ZNF562: variants seen among roughly 807,000 people sequenced by gnomAD.
ZNF562 encodes the protein zinc finger protein 562.
A neutral mutation model predicts 17.5 loss-of-function variants in ZNF562; 13 were observed. That is an observed-to-expected ratio of 0.74 (90% CI 0.48 to 1.18). ZNF562 has a LOEUF of 1.18. Among genes scored for constraint, ZNF562 ranks in the 50% most tolerant of loss-of-function variants. The pLI is 0.00. For synonymous variants in ZNF562, 163 were observed against 165.4 expected, an observed-to-expected ratio of 0.99 and a Z score of 0.11; for missense variants, 481 against 498.5, an observed-to-expected ratio of 0.96 and a Z score of 0.33.
At chr19:9,671,857 A>G (rs909797722) in intron 1 of ZNF562, among the ~76,000 whole-genome samples, 1 of 152,238 alleles carries the variant, frequency 6.6e-6, no homozygotes, top group Non-Finnish European at 1.5e-5. Context: ...CCACTAGCAC[A>G]TGACAGAGAA....
At chr19:9,670,907 G>A (rs1206992179) in intron 1 of ZNF562, among the ~76,000 whole-genome samples, 1 of 151,082 alleles carries the variant, frequency 6.6e-6, no homozygotes, top group African/African-American at 2.4e-5. Flanking sequence ...TGAGGCAGGA[G>A]AATCACTTGA....
Position 9,660,836 on chromosome 19 carries a change from G to A in ZNF562, c.-92C>T, listed in dbSNP as rs2145000563. 1 of 1,348,442 alleles carries A rather than the reference G, an allele frequency of 7.4e-7. No homozygotes were observed. Among genetic ancestry groups the A allele is most frequent in the Non-Finnish European group, 1.0e-6 (1 of 955,666 alleles). 83.5% of individuals were successfully genotyped at this position (1,348,442 alleles called of 1,614,324 possible). ...AGCTTATGAATCTAGGTGGATACAGGCAATCTCCATTCCCCTTTGTACAGG... is the reference window on the plus strand; with the variant it reads ...AGCTTATGAATCTAGGTGGATACAGACAATCTCCATTCCCCTTTGTACAGG... On this transcript the variant is annotated 5_prime_UTR_variant, in exon 2 of 6. Transcript: ENST00000453372.
intron 4 of ZNF562, 149 bp downstream of exon 4, chr19:9,657,860 T>C: frequency 8.6e-7 from 1 of 1,161,996 alleles, no homozygotes; most frequent in Non-Finnish European, 1.2e-6. Flanking sequence ...TCTTTATTCT[T>C]AGGATTTTTT....
chr19:9,656,855 T>G (rs2043505357), intron 4 of ZNF562, among the ~76,000 whole-genome samples: 1 of 144,502 alleles, frequency 6.9e-6, no homozygotes, highest in African/African-American at 2.6e-5. Flanking sequence ...AAACCCTCTC[T>G]CTAGTAAAAT....
Position 9,653,301 on chromosome 19 carries a change from T to C in ZNF562, c.929A>G (p.His310Arg), listed in dbSNP as rs780090803. 1 of 1,614,200 alleles carries C rather than the reference T, an allele frequency of 6.2e-7. No homozygotes were observed. The highest frequency in any genetic ancestry group is 1.1e-5 in the South Asian group (1 of 91,074). Residue 310 changes from histidine (H) to arginine (R), a missense_variant, in exon 6 of 6, where the codon CAC (histidine) becomes CGC (arginine). By Grantham distance (29) the His-to-Arg change is conservative. Coordinates refer to ENST00000453372, the MANE Select transcript of ZNF562 (RefSeq NM_001130031.2). ...ACATTTGTGTGGTTTTATTCCAGTGTGAATTTGAATGTGAACATTAAAGGA... is the reference window on the plus strand; with the variant it reads ...ACATTTGTGTGGTTTTATTCCAGTGCGAATTTGAATGTGAACATTAAAGGA... ...SSSFNVHIQI[H>R]TGIKPHKCTE... is the part of the protein sequence containing the mutation.
rs1305477065 is a variant in ZNF562 at position 9,659,852 on chromosome 19, G to T, written c.26-385C>A. On this transcript the variant is annotated intron_variant, in intron 2 of 5. Coordinates refer to ENST00000453372, the MANE Select transcript of ZNF562 (RefSeq NM_001130031.2). ...CATGCCTGTAATCCCAACATTTTGG[G>T]AGGCCAAGGTGGGCAAATCACTCGA... Among the ~76,000 whole-genome samples, 8 of 137,400 alleles carry T rather than the reference G, an allele frequency of 5.8e-5. No homozygotes were observed. In the East Asian group the frequency reaches 1.8e-3, roughly 32 times the overall value. The allele number at this position is 137,400 out of a possible 152,430, so 90.1% of individuals were successfully genotyped here.
intron 2 of ZNF562, among the ~76,000 whole-genome samples, chr19:9,660,085 T>A: frequency 1.2e-5 from 1 of 82,214 alleles, no homozygotes; most frequent in Non-Finnish European, 2.1e-5. Context: ...TGAGACTCCA[T>A]CTCAAAAAAA....
At position 9,652,762 on chromosome 19, in the gene ZNF562, A is replaced by C. The variant is rs1322169386; in HGVS notation, c.*187T>G. Reference sequence around the variant, plus strand: ...ATTAAAGATGGCAACCAATGGGCTAAATGGTAACAACACTCATATCCTTAC... The same window carrying C: ...ATTAAAGATGGCAACCAATGGGCTACATGGTAACAACACTCATATCCTTAC... On this transcript the variant is annotated 3_prime_UTR_variant, in exon 6 of 6. Coordinates refer to ENST00000453372, the MANE Select transcript of ZNF562 (RefSeq NM_001130031.2). The C allele has an allele frequency of 4.0e-6, 2 of 504,194 alleles. No homozygotes were observed. Among genetic ancestry groups the C allele is most frequent in the Admixed American group, 3.8e-5 (1 of 26,474 alleles). 31.2% of individuals were successfully genotyped at this position (504,194 alleles called of 1,614,324 possible).
chr19:9,668,060 A>C (rs2044018470), intron 1 of ZNF562, among the ~76,000 whole-genome samples: 1 of 152,190 alleles, frequency 6.6e-6, no homozygotes, highest in Non-Finnish European at 1.5e-5. Context: ...AAGTAATCAC[A>C]TTTACAATAG....
intron 1 of ZNF562, chr19:9,674,711 C>T (rs1040528532): frequency 3.9e-5 from 6 of 152,212 alleles, no homozygotes; most frequent in Non-Finnish European, 7.3e-5. Flanking sequence ...GGGCAGAAAT[C>T]CTTTTCCTTT....
rs536877852 is a variant in ZNF562 at position 9,647,358 on chromosome 19, G to C, written c.*5591C>G. The C allele has an allele frequency of 6.6e-6, 1 of 152,320 alleles. No individual in the cohort carries two copies. Among genetic ancestry groups the C allele is most frequent in the East Asian group, 1.9e-4 (1 of 5,168 alleles). 9.4% of individuals were successfully genotyped at this position (152,320 alleles called of 1,614,324 possible). A position where few individuals can be genotyped will look rare whatever the true frequency, so the allele number is the denominator to read the frequency against. ...GCCTCCCAAAGTGGTGGGATTACAG[G>C]CATGAGCCACCACTCCCAGCCTGAT... is the stretch of plus-strand genomic sequence containing the variant. On this transcript the variant is annotated 3_prime_UTR_variant, in exon 6 of 6. Transcript: ENST00000453372.
intron 1 of ZNF562, among the ~76,000 whole-genome samples, chr19:9,673,631 A>G (rs2044285886): frequency 6.6e-6 from 1 of 152,202 alleles, no homozygotes; most frequent in Non-Finnish European, 1.5e-5. Flanking sequence ...AGCTGGTAAC[A>G]ATTAGAAAAA....
intron 1 of ZNF562, among the ~76,000 whole-genome samples, chr19:9,665,565 G>C (rs1265003884): frequency 6.6e-6 from 1 of 152,152 alleles, no homozygotes; most frequent in Non-Finnish European, 1.5e-5. Flanking sequence ...GCAGCATACT[G>C]TAGGGGTATG....
intron 4 of ZNF562, among the ~76,000 whole-genome samples, 183 bp downstream of exon 4, chr19:9,657,826 C>T (rs542655040): frequency 3.9e-5 from 6 of 152,078 alleles, no homozygotes; most frequent in African/African-American, 9.6e-5. Context: ...GGATTACAGG[C>T]GTGAACCTCC....
chr19:9,649,622 G>T lies in ZNF562; in HGVS notation c.*3327C>A, dbSNP rs1056589983. 2 of 152,098 alleles carry T rather than the reference G, an allele frequency of 1.3e-5. No homozygotes were observed. Among genetic ancestry groups the T allele is most frequent in the Non-Finnish European group, 2.9e-5 (2 of 68,038 alleles). 9.4% of individuals were successfully genotyped at this position (152,098 alleles called of 1,614,324 possible). A position where few individuals can be genotyped will look rare whatever the true frequency, so the allele number is the denominator to read the frequency against. On this transcript the variant is annotated 3_prime_UTR_variant, in exon 6 of 6. Transcript: ENST00000453372. ...CCCCAGTCTCCCATAGCACTCCCAGGCTTATTAGGAAGAGGAAATTCCCAC... is the reference window on the plus strand; with the variant it reads ...CCCCAGTCTCCCATAGCACTCCCAGTCTTATTAGGAAGAGGAAATTCCCAC...
chr19:9,673,245 G>A (rs1166275773), intron 1 of ZNF562, among the ~76,000 whole-genome samples: 3 of 152,120 alleles, frequency 2.0e-5, no homozygotes, highest in Non-Finnish European at 2.9e-5. Flanking sequence ...GAGAGACACA[G>A]AAGTAGGGAC....
Position 9,649,699 on chromosome 19 carries a change from T to C in ZNF562, c.*3250A>G, listed in dbSNP as rs1287991206. The stretch of plus-strand genomic sequence containing the variant: ...ATCTCAAAACCGTCTCCTGATAAGA[T>C]GTTATCAATGACAATGGTGCCCAAA... On this transcript the variant is annotated 3_prime_UTR_variant, in exon 6 of 6. Coordinates refer to ENST00000453372, the MANE Select transcript of ZNF562 (RefSeq NM_001130031.2). 1 of 152,204 alleles carries C rather than the reference T, an allele frequency of 6.6e-6. No homozygotes were observed. Among genetic ancestry groups the C allele is most frequent in the African/African-American group, 2.4e-5 (1 of 41,454 alleles). 9.4% of individuals were successfully genotyped at this position (152,204 alleles called of 1,614,324 possible).
At chr19:9,665,246 G>C (rs1380006353) in intron 1 of ZNF562, among the ~76,000 whole-genome samples, 1 of 148,924 alleles carries the variant, frequency 6.7e-6, no homozygotes, top group African/African-American at 2.5e-5. Flanking sequence ...AGCAGTTTCT[G>C]TGGCTACAAC....
Position 9,642,272 on chromosome 19 carries a change from ATT to A in ZNF562, c.*10675_*10676del, listed in dbSNP as rs2074777031. ...TTACAGTTCTGATGTTTAAAATTACATTCTTTTTTTTCTTTAAAAAAAAAAAA... is the reference window on the plus strand; with the variant it reads ...TTACAGTTCTGATGTTTAAAATTACACTTTTTTTTCTTTAAAAAAAAAAAA... On this transcript the variant is annotated 3_prime_UTR_variant, in exon 6 of 6. Coordinates refer to ENST00000453372, the MANE Select transcript of ZNF562 (RefSeq NM_001130031.2). 1 of 148,234 alleles carries A rather than the reference ATT, an allele frequency of 6.7e-6. No homozygotes were observed. Among genetic ancestry groups the A allele is most frequent in the African/African-American group, 2.5e-5 (1 of 39,456 alleles). 9.2% of individuals were successfully genotyped at this position (148,234 alleles called of 1,614,324 possible).
Sources: gnomAD v4.1 joint callset for allele counts (sites outside exome capture counted in the v4.1 genomes callset) on GRCh38, gnomAD v4.1.1 for gene constraint, MANE v1.5 for transcripts, NCBI Gene and HGNC (gene_info 2026-07-23, HGNC 2026-07-21) for gene names.